Variants in PTPN14 observed in about 807,000 individuals in gnomAD.
PTPN14 encodes tyrosine-protein phosphatase non-receptor type 14.
In PTPN14, 53 loss-of-function variants were observed where a neutral mutation model predicts 126.8. That is an observed-to-expected ratio of 0.42 (90% confidence interval 0.34 to 0.53). The LOEUF is 0.53. Among genes scored for constraint, PTPN14 ranks in the 20% least tolerant of loss-of-function variants. The pLI, the probability that PTPN14 is intolerant of heterozygous loss-of-function variation, is 0.08. For synonymous variants in PTPN14, 630 were observed against 599.3 expected (o/e 1.05, Z -0.75); for missense variants, 1,257 against 1,552.9 (o/e 0.81, Z 3.20).
intron 1 of PTPN14, among the ~76,000 whole-genome samples, chr1:214,549,095 C>A (rs1656040511): frequency 6.6e-6 from 1 of 152,086 alleles, no homozygotes; most frequent in Admixed American, 6.5e-5. Context: ...TGGATAAACA[C>A]CCAAAGTTGT....
chr1:214,376,112 G>A, intron 15 of PTPN14, 107 bp downstream of exon 15: 1 of 1,051,392 alleles, frequency 9.5e-7, no homozygotes, highest in East Asian at 2.6e-5. Context: ...GAGGGTCTGG[G>A]GACAAGCCAA....
At position 214,350,992 on chromosome 1, in the gene PTPN14, T is replaced by C. The variant is rs191899577; in HGVS notation, c.*6930A>G. On this transcript the variant is annotated 3_prime_UTR_variant, in exon 19 of 19. Coordinates refer to ENST00000366956, the MANE Select transcript of PTPN14 (RefSeq NM_005401.5). ...ACGAGGATTAACTCTTACATCTGGG[T>C]TGCACTCATAGGGTAGGTAAAGAAA... The C allele has an allele frequency of 6.6e-6, 1 of 151,946 alleles. No homozygotes were observed. The allele number at this position is 151,946 out of a possible 1,614,324, so 9.4% of individuals were successfully genotyped here. A position where few individuals can be genotyped will look rare whatever the true frequency, so the allele number is the denominator to read the frequency against.
At chr1:214,520,065 A>AAAAAAAATATATATATATATATAT in intron 1 of PTPN14, among the ~76,000 whole-genome samples, 2 of 71,112 alleles carry the variant, frequency 2.8e-5, no homozygotes, top group East Asian at 9.5e-4. Flanking sequence ...AAAAAAAAAA[A>AAAAAAAATATATATATATATATAT]ATATATATAT....
intron 1 of PTPN14, among the ~76,000 whole-genome samples, chr1:214,542,071 A>T (rs1031738660): frequency 1.3e-5 from 2 of 152,152 alleles, no homozygotes; most frequent in Non-Finnish European, 2.9e-5. Context: ...TTTTGTGTTT[A>T]TCCTTCTGGT....
chr1:214,472,868 G>A (rs1055131349), intron 1 of PTPN14, among the ~76,000 whole-genome samples: 1 of 152,202 alleles, frequency 6.6e-6, no homozygotes, highest in Non-Finnish European at 1.5e-5. Flanking sequence ...CACGTTCCTT[G>A]CAACAAATAC....
rs917810759 is a variant in PTPN14, at chr1:214,384,920, A to G, written c.1067-132T>C. On this transcript the variant is annotated intron_variant, in intron 12 of 18. Coordinates refer to ENST00000366956, the MANE Select transcript of PTPN14 (RefSeq NM_005401.5). The surrounding 1 kb of genome is among the most constrained non-coding windows in gnomAD (Gnocchi z 5.3). ...GTGAAATCCCATGGTCTCCACCCAC[A>G]TGTTCTATAGAATAACAGATACTAT... 1.6e-5 allele frequency: 17 copies of G among 1,041,474 alleles called. No homozygotes were observed. Among genetic ancestry groups the G allele is most frequent in the Non-Finnish European group, 2.3e-5 (17 of 724,758 alleles). 64.5% of individuals were successfully genotyped at this position (1,041,474 alleles called of 1,614,324 possible).
intron 1 of PTPN14, among the ~76,000 whole-genome samples, chr1:214,483,909 AT>A (rs1661057160): frequency 6.6e-6 from 1 of 152,234 alleles, no homozygotes; most frequent in Non-Finnish European, 1.5e-5. Flanking sequence ...GGCCAGTTGG[AT>A]TTTCCCATAA....
In PTPN14 at chr1:214,397,896, C is replaced by G. The variant is rs373250846; in HGVS notation, c.758+17G>C. The stretch of plus-strand genomic sequence containing the variant: ...CAAGGTAAAAAAGAAAAAAGAAAAA[C>G]AAACAAATAAGACTACCTGTATATT... On this transcript the variant is annotated intron_variant, in intron 8 of 18. Coordinates refer to ENST00000366956, the MANE Select transcript of PTPN14 (RefSeq NM_005401.5). The G allele has an allele frequency of 1.9e-6, 3 of 1,565,612 alleles. No homozygotes were observed. The highest frequency in any genetic ancestry group is 2.6e-6 in the Non-Finnish European group (3 of 1,141,568).
At chr1:214,448,790 C>T (rs543910127) in intron 3 of PTPN14, among the ~76,000 whole-genome samples, 3 of 152,252 alleles carry the variant, frequency 2.0e-5, no homozygotes, top group Admixed American at 6.5e-5. Flanking sequence ...GAGACCAGTG[C>T]TCTCACCCTT....
intron 1 of PTPN14, among the ~76,000 whole-genome samples, chr1:214,471,754 C>T (rs1660764035): frequency 6.6e-6 from 1 of 152,158 alleles, no homozygotes; most frequent in African/African-American, 2.4e-5. Flanking sequence ...ACCTGGTTAT[C>T]CCACAAACTC....
chr1:214,507,626 C>T (rs980903090), intron 1 of PTPN14, among the ~76,000 whole-genome samples: 4 of 152,090 alleles, frequency 2.6e-5, no homozygotes, highest in Admixed American at 6.5e-5. Context: ...CTGATGTAAT[C>T]AACTTTCTTT....
At chr1:214,368,413 C>A (rs1658135751) in intron 17 of PTPN14, among the ~76,000 whole-genome samples, 1 of 152,026 alleles carries the variant, frequency 6.6e-6, no homozygotes, top group Non-Finnish European at 1.5e-5. Flanking sequence ...GTTGGCCACG[C>A]TGGTCTCAAA....
Position 214,364,762 on chromosome 1 carries a change from GGTGAGTGTGT to G in PTPN14, c.3272-97_3272-88del. 5.6e-6 allele frequency: 4 copies of G among 714,536 alleles called. No individual in the cohort carries two copies. In the South Asian group the frequency reaches 7.8e-5, roughly 14 times the overall value. 44.3% of individuals were successfully genotyped at this position (714,536 alleles called of 1,614,324 possible). A position where few individuals can be genotyped will look rare whatever the true frequency, so the allele number is the denominator to read the frequency against. On this transcript the variant is annotated intron_variant, in intron 17 of 18. Transcript: ENST00000366956. This position sits in a 1 kb window ranked among gnomAD's most constrained non-coding sequence, Gnocchi z 4.1. ...GAGGGGGGAGCGGAAGAGAACTGAT[GGTGAGTGTGT>G]GTGTGTGTGTGTGTGTGTGTGTGTG...
chr1:214,482,749 G>A lies in PTPN14; in HGVS notation c.-154-17792C>T, dbSNP rs1661021916. On this transcript the variant is annotated intron_variant, in intron 1 of 18. Coordinates refer to ENST00000366956, the MANE Select transcript of PTPN14 (RefSeq NM_005401.5). ...CTCTATTTTTGGTAAACAACTGCAT[G>A]GTAAACTTAGATGACTCTTCCCCCT... The A allele has an allele frequency of 2.0e-6, 3 of 1,534,202 alleles. No individual in the cohort carries two copies. In the Admixed American group the frequency reaches 5.6e-5, roughly 29 times the overall value.
intron 5 of PTPN14, among the ~76,000 whole-genome samples, chr1:214,403,267 A>C (rs1659078937): frequency 6.6e-6 from 1 of 152,194 alleles, no homozygotes; most frequent in Non-Finnish European, 1.5e-5. Context: ...ACGTTTATAA[A>C]AAATGCTTTG....
chr1:214,369,708 A>G lies in PTPN14; in HGVS notation c.3037-17T>C, dbSNP rs762318708. The G allele has an allele frequency of 1.2e-6, 2 of 1,607,030 alleles. No homozygotes were observed. The highest frequency in any genetic ancestry group is 1.7e-6 in the Non-Finnish European group (2 of 1,173,618). ...TCCACCCTCCTAAATCACATATAAA[A>G]GCAAAATTGGAAATAGGTCAAGGGA... On this transcript the variant is annotated splice_polypyrimidine_tract_variant and intron_variant, in intron 16 of 18. Transcript: ENST00000366956.
intron 7 of PTPN14, among the ~76,000 whole-genome samples, chr1:214,400,616 C>G (rs564711254): frequency 6.6e-6 from 1 of 152,248 alleles, no homozygotes; most frequent in East Asian, 1.9e-4. Context: ...AGTCAGTTTT[C>G]TAGAAGCAGA....
rs57585964 is a variant in PTPN14, at chr1:214,450,133, AAAATAAATAAAT to A, written c.344+1660_344+1671del. The stretch of plus-strand genomic sequence containing the variant: ...AAGTGACAGAGCAAGACTCTATCTC[AAAATAAATAAAT>A]AAATAAATAAATAAATAAAAGCCAA... On this transcript the variant is annotated intron_variant, in intron 3 of 18. Transcript: ENST00000366956. Among the ~76,000 whole-genome samples the A allele has an allele frequency of 5.0e-5, 7 of 140,554 alleles. No homozygotes were observed. The South Asian group carries it at 1.2e-3, about 24-fold the overall frequency. The allele number at this position is 140,554 out of a possible 152,430, so 92.2% of individuals were successfully genotyped here. A position where few individuals can be genotyped will look rare whatever the true frequency, so the allele number is the denominator to read the frequency against.
chr1:214,385,267 T>A (rs1198656856), intron 12 of PTPN14, among the ~76,000 whole-genome samples: 1 of 152,184 alleles, frequency 6.6e-6, no homozygotes, highest in Non-Finnish European at 1.5e-5. Flanking sequence ...CCCAGGGGAC[T>A]GCAGGGCATT....
Sources: gnomAD v4.1 joint callset for allele counts (sites outside exome capture counted in the v4.1 genomes callset) on GRCh38, gnomAD v4.1.1 for gene constraint, Gnocchi (gnomAD v3.1) non-coding constraint, MANE v1.5 for transcripts, NCBI Gene and HGNC (gene_info 2026-07-23, HGNC 2026-07-21) for gene names.